The following ZC3H3 variants were observed in gnomAD, a reference collection of about 807,000 sequenced individuals.
ZC3H3 encodes the protein zinc finger CCCH domain-containing protein 3.
Under a neutral mutation model 77.3 loss-of-function variants are expected in ZC3H3, and 36 were observed. The observed-to-expected ratio is 0.47, with a 90% CI of 0.36 to 0.61. The LOEUF (loss-of-function observed/expected upper bound fraction) is 0.61. Among genes scored for constraint, ZC3H3 ranks in the 20% least tolerant of loss-of-function variants. The pLI is 0.00. For missense variants in ZC3H3, 1,331 were observed against 1,312.2 expected, an observed-to-expected ratio of 1.01 and a Z score of -0.22; for synonymous variants, 626 against 555.2, an observed-to-expected ratio of 1.13 and a Z score of -1.79.
At chr8:143,467,985 G>A (rs990319429) in intron 8 of ZC3H3, among the ~76,000 whole-genome samples, 2 of 152,192 alleles carry the variant, frequency 1.3e-5, no homozygotes, top group African/African-American at 2.4e-5. Flanking sequence ...ACCCCTGTGC[G>A]TGGTGAGCAG....
At chr8:143,465,415 G>A (rs148555578) in intron 9 of ZC3H3, among the ~76,000 whole-genome samples, 24 of 152,268 alleles carry the variant, frequency 1.6e-4, no homozygotes, top group Non-Finnish European at 2.5e-4. Context: ...GAGCTGCTCC[G>A]GCCCAGTCAC....
Position 143,494,634 on chromosome 8 carries a change from G to A in ZC3H3, c.1715+13112C>T, listed in dbSNP as rs1482045044. Among the ~76,000 whole-genome samples the A allele has an allele frequency of 6.6e-6, 1 of 152,166 alleles. No individual in the cohort carries two copies. Among genetic ancestry groups the A allele is most frequent in the Non-Finnish European group, 1.5e-5 (1 of 68,038 alleles). ...AGGGAAGCGGCAGGTCGGGGGAGGG[G>A]GGTGCTGTGGGCAGACACACGAGGG... On this transcript the variant is annotated intron_variant, in intron 4 of 11. Transcript: ENST00000262577. The surrounding 1 kb of genome is among the most constrained non-coding windows in gnomAD (Gnocchi z 5.3).
At chr8:143,440,833 A>G in intron 10 of ZC3H3, 103 bp downstream of exon 10, 1 of 1,234,920 alleles carries the variant, frequency 8.1e-7, no homozygotes, top group Non-Finnish European at 1.0e-6. Context: ...TGAGGCCCAA[A>G]GAGCTGGAGT....
At chr8:143,499,767 CGGG>C (rs1821469019) in intron 4 of ZC3H3, among the ~76,000 whole-genome samples, 1 of 152,154 alleles carries the variant, frequency 6.6e-6, no homozygotes, top group Non-Finnish European at 1.5e-5. Context: ...AAGCTAGACA[CGGG>C]CAGACACAGG....
rs1285253536 is a variant in ZC3H3, at chr8:143,462,957, C to T, written c.2307+2760G>A. Among the ~76,000 whole-genome samples, 1 of 150,796 alleles carries T rather than the reference C, an allele frequency of 6.6e-6. No homozygotes were observed. The highest frequency in any genetic ancestry group is 1.9e-4 in the East Asian group (1 of 5,144). On this transcript the variant is annotated intron_variant, in intron 9 of 11. Coordinates refer to ENST00000262577, the MANE Select transcript of ZC3H3 (RefSeq NM_015117.3). The surrounding 1 kb of genome is among the most constrained non-coding windows in gnomAD (Gnocchi z 4.7). ...CAGGAGCAGCTGTCCCACCTAGAGC[C>T]ACCAGGAGCAGCGCCCAGACCCTGA...
chr8:143,476,096 C>A (rs1820726350), intron 4 of ZC3H3, among the ~76,000 whole-genome samples: 3 of 152,154 alleles, frequency 2.0e-5, no homozygotes, highest in African/African-American at 7.2e-5. Context: ...GAGTCGGCTT[C>A]AAGGCTGGGG....
At chr8:143,440,557 C>G (rs1294614663) in intron 10 of ZC3H3, among the ~76,000 whole-genome samples, 194 bp from the exon 11 acceptor site, 1 of 152,162 alleles carries the variant, frequency 6.6e-6, no homozygotes, top group African/African-American at 2.4e-5. Flanking sequence ...AGCTCCACAC[C>G]GAGCCTGCCC....
At chr8:143,534,458 C>T (rs1472878559) in intron 3 of ZC3H3, among the ~76,000 whole-genome samples, 1 of 152,138 alleles carries the variant, frequency 6.6e-6, no homozygotes, top group African/African-American at 2.4e-5. Context: ...CAGCAGGAAG[C>T]AACCTCCCCC....
intron 9 of ZC3H3, among the ~76,000 whole-genome samples, chr8:143,455,194 A>C (rs2129829016): frequency 6.6e-6 from 1 of 152,232 alleles, no homozygotes; most frequent in South Asian, 2.1e-4. Flanking sequence ...GGGGCCTGTA[A>C]TCCCAGCTAC....
At chr8:143,512,191 G>A (rs1821889425) in intron 3 of ZC3H3, among the ~76,000 whole-genome samples, 1 of 152,244 alleles carries the variant, frequency 6.6e-6, no homozygotes. Flanking sequence ...CGGGGCCACT[G>A]CAGCGCTGCC....
rs559875116 is a variant in ZC3H3 at position 143,536,196 on chromosome 8, G to A, written c.1561+61C>T. The A allele has an allele frequency of 2.1e-5, 32 of 1,540,756 alleles. No individual in the cohort carries two copies. The East Asian group carries it at 2.8e-4, about 14-fold the overall frequency. On this transcript the variant is annotated intron_variant, in intron 3 of 11. Coordinates refer to ENST00000262577, the MANE Select transcript of ZC3H3 (RefSeq NM_015117.3). ...GGAAGGTGCCCATGGCTCCTAACAC[G>A]CCAGCATATCCCATCAGGCAGGCCC...
At chr8:143,498,598 C>A (rs527284486) in intron 4 of ZC3H3, among the ~76,000 whole-genome samples, 9 of 152,136 alleles carry the variant, frequency 5.9e-5, no homozygotes, top group African/African-American at 2.2e-4. Flanking sequence ...CTGTCCTCCC[C>A]GGCTGAAGGG....
chr8:143,473,264 C>T (rs767755904), intron 5 of ZC3H3, among the ~76,000 whole-genome samples: 3 of 152,196 alleles, frequency 2.0e-5, no homozygotes, highest in Non-Finnish European at 4.4e-5. Context: ...CCTCCCACTC[C>T]TGCCCAGGCC....
intron 3 of ZC3H3, among the ~76,000 whole-genome samples, chr8:143,535,728 G>A (rs1207522538): frequency 1.3e-5 from 2 of 152,256 alleles, no homozygotes; most frequent in African/African-American, 2.4e-5. Flanking sequence ...CAGGGGCTCA[G>A]ACCAGTTCTC....
intron 3 of ZC3H3, among the ~76,000 whole-genome samples, chr8:143,517,069 G>C (rs926721076): frequency 5.3e-5 from 8 of 152,210 alleles, no homozygotes; most frequent in Non-Finnish European, 1.2e-4. Flanking sequence ...GCCGCGGACT[G>C]TCAGAGCCCT....
At chr8:143,512,270 T>C (rs541720677) in intron 3 of ZC3H3, among the ~76,000 whole-genome samples, 14 of 152,348 alleles carry the variant, frequency 9.2e-5, no homozygotes, top group African/African-American at 3.1e-4. Context: ...CATCCCTAAT[T>C]CCTGAAGATT....
At chr8:143,521,495 C>A (rs73715655) in intron 3 of ZC3H3, among the ~76,000 whole-genome samples, 2,961 of 151,034 alleles carry the variant, frequency 0.02, 87 homozygotes, top group African/African-American at 0.067. Context: ...GCTGGAGCAG[C>A]TCCGGGCCTC....
intron 4 of ZC3H3, among the ~76,000 whole-genome samples, chr8:143,476,425 C>G (rs78472917): frequency 0.076 from 11,519 of 152,292 alleles, 663 homozygotes; most frequent in Admixed American, 0.16. Context: ...TGGCAGCCCC[C>G]ACTCCTGCCA....
At chr8:143,463,141 A>G (rs1820310716) in intron 9 of ZC3H3, among the ~76,000 whole-genome samples, 1 of 152,108 alleles carries the variant, frequency 6.6e-6, no homozygotes, top group African/African-American at 2.4e-5. Flanking sequence ...TTGCCGCCAC[A>G]ACCGGCTAAC....
Sources: allele counts gnomAD v4.1 joint callset (sites outside exome capture counted in the v4.1 genomes callset), GRCh38; gene constraint gnomAD v4.1.1; non-coding constraint Gnocchi (gnomAD v3.1); transcripts MANE v1.5; gene names NCBI Gene and HGNC (gene_info 2026-07-23, HGNC 2026-07-21).